Variants in PRELID2 observed in about 807,000 individuals in gnomAD.
PRELID2 encodes PRELI domain containing 2.
A neutral mutation model predicts 28.4 loss-of-function variants in PRELID2; 25 were observed. The observed-to-expected ratio is 0.88, with a 90% CI of 0.64 to 1.23. The LOEUF is 1.23. Among genes scored for constraint, PRELID2 ranks in the 50% most tolerant of loss-of-function variants. PRELID2 has a pLI of 0.00. For synonymous variants in PRELID2, 76 were observed against 71.6 expected, an observed-to-expected ratio of 1.06 and a Z score of -0.31; for missense variants, 201 against 214.4, an observed-to-expected ratio of 0.94 and a Z score of 0.39.
intron 1 of PRELID2, among the ~76,000 whole-genome samples, chr5:145,527,469 T>G (rs1301665874): frequency 6.6e-6 from 1 of 152,166 alleles, no homozygotes; most frequent in East Asian, 1.9e-4. Context: ...TACAGTTATC[T>G]CAAAATAAAA....
the PRELID2 span, among the ~76,000 whole-genome samples, chr5:145,236,564 A>G: frequency 1.1e-4 from 16 of 152,252 alleles, no homozygotes; most frequent in African/African-American, 3.8e-4. Flanking sequence ...TAAAACCCAC[A>G]TTGATAATGT....
At position 145,826,164 on chromosome 5, in the gene PRELID2, G is replaced by A. The variant is rs73306050; in HGVS notation, c.76-3030C>T. On this transcript the variant is annotated intron_variant, in intron 1 of 6. Coordinates refer to ENST00000683046, the MANE Select transcript of PRELID2 (RefSeq NM_205846.3). ...TGCTATCCTAGAGAAGCTGCCATGC[G>A]CATGATCTCATTCAGTCCTTCTCAA... is the stretch of plus-strand genomic sequence containing the variant. 9,037 of 984,848 alleles carry A rather than the reference G, an allele frequency of 9.2e-3. 610 individuals are homozygous for A. The African/African-American group carries it at 0.14, about 15-fold the overall frequency. The allele number at this position is 984,848 out of a possible 1,614,324, so 61.0% of individuals were successfully genotyped here. A position where few individuals can be genotyped will look rare whatever the true frequency, so the allele number is the denominator to read the frequency against.
chr5:145,241,091 A>C, the PRELID2 span, among the ~76,000 whole-genome samples: 1 of 152,022 alleles, frequency 6.6e-6, no homozygotes, highest in Non-Finnish European at 1.5e-5. Context: ...TTGACCCATA[A>C]AGTGGACACA....
At chr5:145,767,546 C>T (rs768522899) in intron 5 of PRELID2, among the ~76,000 whole-genome samples, 20 of 152,146 alleles carry the variant, frequency 1.3e-4, no homozygotes, top group African/African-American at 3.6e-4. Context: ...CACTATAACA[C>T]GCACTCCCTG....
chr5:145,618,018 C>T (rs1753724527), intron 1 of PRELID2, among the ~76,000 whole-genome samples: 1 of 152,182 alleles, frequency 6.6e-6, no homozygotes, highest in African/African-American at 2.4e-5. Flanking sequence ...CAGATGTGAG[C>T]CACCATGCCC....
intron 1 of PRELID2, among the ~76,000 whole-genome samples, chr5:145,595,081 T>C (rs1753283895): frequency 6.6e-6 from 1 of 150,736 alleles, no homozygotes; most frequent in South Asian, 2.1e-4. Context: ...TGAGCCAAGA[T>C]CGTACCACTG....
chr5:145,735,411 G>A (rs1484428923), intron 1 of PRELID2, among the ~76,000 whole-genome samples: 1 of 152,044 alleles, frequency 6.6e-6, no homozygotes, highest in African/African-American at 2.4e-5. Context: ...AAACACAAGT[G>A]AGTCATAACA....
chr5:145,634,823 C>A lies in PRELID2; in HGVS notation n.70+130108G>T, dbSNP rs11953220. Reference sequence around the variant, plus strand: ...TTGAATAAAGGAAGAAAGGAATCAGCGAATGAAGTCATTCTTTTAAAATAT... The same window carrying A: ...TTGAATAAAGGAAGAAAGGAATCAGAGAATGAAGTCATTCTTTTAAAATAT... On this transcript the variant is annotated intron_variant and non_coding_transcript_variant, in intron 1 of 2. Coordinates refer to the PRELID2 transcript ENST00000510259. 2.1e-3 allele frequency among the ~76,000 whole-genome samples: 316 copies of A among 152,294 alleles called. 2 individuals are homozygous for A. Among genetic ancestry groups the A allele is most frequent in the African/African-American group, 7.1e-3 (293 of 41,550 alleles).
chr5:145,463,191 C>T, the PRELID2 span, among the ~76,000 whole-genome samples: 5 of 151,516 alleles, frequency 3.3e-5, no homozygotes, highest in Admixed American at 2.0e-4. Flanking sequence ...TTAATTTTAC[C>T]GACATAATTT....
At chr5:145,437,025 C>G in the PRELID2 span, 1 of 152,204 alleles carries the variant, frequency 6.6e-6, no homozygotes, top group Non-Finnish European at 1.5e-5. Flanking sequence ...ATGTGCTTCA[C>G]TCATCTTTGC....
At chr5:145,423,418 G>C in the PRELID2 span, among the ~76,000 whole-genome samples, 1 of 152,086 alleles carries the variant, frequency 6.6e-6, no homozygotes, top group African/African-American at 2.4e-5. Flanking sequence ...CATATTTCTT[G>C]GAGGCTTTGC....
At chr5:145,331,494 T>A in the PRELID2 span, among the ~76,000 whole-genome samples, 44 of 152,344 alleles carry the variant, frequency 2.9e-4, no homozygotes, top group Admixed American at 6.5e-4. Context: ...TTAGCTCTTC[T>A]TGTTGCATTA....
the PRELID2 span, among the ~76,000 whole-genome samples, chr5:145,267,109 A>G: frequency 2.0e-5 from 3 of 152,140 alleles, no homozygotes; most frequent in Middle Eastern, 3.2e-3. Flanking sequence ...AAGAAAGCCA[A>G]TTCAAGTCCC....
intron 1 of PRELID2, among the ~76,000 whole-genome samples, chr5:145,640,418 G>A (rs1208068744): frequency 1.3e-5 from 2 of 150,066 alleles, no homozygotes; most frequent in Non-Finnish European, 3.0e-5. Flanking sequence ...GGAGCTTGCA[G>A]TGAGCCGAGA....
At chr5:145,427,746 T>A in the PRELID2 span, among the ~76,000 whole-genome samples, 1 of 152,046 alleles carries the variant, frequency 6.6e-6, no homozygotes, top group South Asian at 2.1e-4. Flanking sequence ...AAGGAAATAG[T>A]GAATGGTGCT....
chr5:145,452,631 A>T, the PRELID2 span, among the ~76,000 whole-genome samples: 1 of 152,014 alleles, frequency 6.6e-6, no homozygotes, highest in African/African-American at 2.4e-5. Context: ...TCAAGACTAA[A>T]CGTCTTTTGG....
At chr5:145,726,273 GAGAA>G (rs1295761738) in intron 1 of PRELID2, among the ~76,000 whole-genome samples, 2 of 150,342 alleles carry the variant, frequency 1.3e-5, no homozygotes, top group African/African-American at 4.9e-5. Flanking sequence ...GGGGGAAAGA[GAGAA>G]AGAGACAGAA....
intron 4 of PRELID2, among the ~76,000 whole-genome samples, chr5:145,796,823 T>C (rs575069666): frequency 6.6e-6 from 1 of 152,208 alleles, no homozygotes; most frequent in Non-Finnish European, 1.5e-5. Flanking sequence ...TGACCTTAGG[T>C]AAATTATTTA....
intron 1 of PRELID2, among the ~76,000 whole-genome samples, chr5:145,619,238 C>A (rs1753741502): frequency 6.6e-6 from 1 of 152,196 alleles, no homozygotes; most frequent in South Asian, 2.1e-4. Flanking sequence ...GTTCAAAGTT[C>A]AAAAGCTACA....
Sources: gnomAD v4.1 joint callset for allele counts (sites outside exome capture counted in the v4.1 genomes callset) on GRCh38, gnomAD v4.1.1 for gene constraint, MANE v1.5 for transcripts, NCBI Gene and HGNC (gene_info 2026-07-23, HGNC 2026-07-21) for gene names.